The following MICU1 variants were observed in gnomAD, a reference collection of about 807,000 sequenced individuals.
The protein encoded by MICU1 is mitochondrial calcium uptake 1.
MICU1 carries 45 observed loss-of-function variants against 56.8 expected under a neutral mutation model. The ratio of observed to expected loss-of-function variants is 0.79; its 90% CI spans 0.62 to 1.02. The LOEUF (loss-of-function observed/expected upper bound fraction) is 1.02, where lower values mean the gene tolerates loss of function less well. Ranked by LOEUF, MICU1 falls within the 50% of genes least tolerant of loss-of-function variation. The pLI is 0.00. For missense variants in MICU1, 504 were observed against 587.1 expected (o/e 0.86, Z 1.46); for synonymous variants, 186 against 195.1 (o/e 0.95, Z 0.39).
chr10:72,603,789 A>G (rs576980294), intron 1 of MICU1, among the ~76,000 whole-genome samples: 4 of 152,276 alleles, frequency 2.6e-5, no homozygotes, highest in Non-Finnish European at 5.9e-5. Context: ...GGGCAACAAG[A>G]ATGAAACTCT....
chr10:72,595,162 T>G (rs571404547), intron 1 of MICU1, among the ~76,000 whole-genome samples: 41 of 151,564 alleles, frequency 2.7e-4, no homozygotes, highest in Admixed American at 2.6e-3. Context: ...CATAAGACCA[T>G]ATATCAGGCT....
intron 8 of MICU1, among the ~76,000 whole-genome samples, chr10:72,427,741 T>A (rs1335122582): frequency 3.3e-4 from 8 of 24,372 alleles, no homozygotes; most frequent in African/African-American, 1.5e-3. Context: ...AAAATATATA[T>A]ATATATATAT....
chr10:72,602,892 G>T (rs933227302), intron 1 of MICU1, among the ~76,000 whole-genome samples: 1 of 152,200 alleles, frequency 6.6e-6, no homozygotes, highest in African/African-American at 2.4e-5. Flanking sequence ...CGGATCACGA[G>T]GTCAGGAGAT....
chr10:72,480,977 C>T (rs1866276032), intron 6 of MICU1, among the ~76,000 whole-genome samples: 1 of 152,222 alleles, frequency 6.6e-6, no homozygotes, highest in Non-Finnish European at 1.5e-5. Context: ...AAAGTACTGG[C>T]TTTATGTGGA....
chr10:72,545,168 A>G (rs928316987), intron 4 of MICU1, among the ~76,000 whole-genome samples: 1 of 152,178 alleles, frequency 6.6e-6, no homozygotes, highest in African/African-American at 2.4e-5. Flanking sequence ...CTGCATCAAC[A>G]TTTCTGGAAA....
intron 10 of MICU1, among the ~76,000 whole-genome samples, chr10:72,396,834 G>C (rs895796233): frequency 2.0e-5 from 3 of 152,194 alleles, no homozygotes; most frequent in Non-Finnish European, 2.9e-5. Context: ...GTGATGGGGA[G>C]AATGGAACAA....
intron 5 of MICU1, among the ~76,000 whole-genome samples, chr10:72,526,108 A>G (rs563217947): frequency 1.3e-5 from 2 of 152,350 alleles, no homozygotes; most frequent in East Asian, 3.9e-4. Flanking sequence ...GGTATATAAA[A>G]AAGAACTAAA....
intron 1 of MICU1, among the ~76,000 whole-genome samples, chr10:72,608,186 A>T (rs1841744096): frequency 6.6e-6 from 1 of 152,092 alleles, no homozygotes; most frequent in Admixed American, 6.6e-5. Flanking sequence ...CTCCTGCTTC[A>T]GCCTCCTGAG....
chr10:72,403,349 C>CT (rs1244229327), intron 10 of MICU1, among the ~76,000 whole-genome samples: 1 of 151,772 alleles, frequency 6.6e-6, no homozygotes, highest in East Asian at 1.9e-4. Context: ...GAGAGAAACT[C>CT]TGTCTCAAAA....
intron 9 of MICU1, among the ~76,000 whole-genome samples, chr10:72,416,002 T>C (rs1863971163): frequency 6.6e-6 from 1 of 152,140 alleles, no homozygotes; most frequent in Non-Finnish European, 1.5e-5. Flanking sequence ...ATATGTAAAA[T>C]GTCTAGTACA....
chr10:72,384,117 G>A (rs768923622), intron 10 of MICU1, among the ~76,000 whole-genome samples: 2 of 152,032 alleles, frequency 1.3e-5, no homozygotes, highest in Non-Finnish European at 2.9e-5. Context: ...CCTCAGCCTC[G>A]GAAGTAGCTA....
At chr10:72,435,421 G>T (rs1246140477) in intron 8 of MICU1, among the ~76,000 whole-genome samples, 3 of 150,292 alleles carry the variant, frequency 2.0e-5, no homozygotes, top group African/African-American at 4.9e-5. Flanking sequence ...AGTGGGGGGC[G>T]TTCCAAGATG....
chr10:72,384,074 G>T (rs527717345), intron 10 of MICU1, among the ~76,000 whole-genome samples: 1 of 152,004 alleles, frequency 6.6e-6, no homozygotes, highest in Admixed American at 6.6e-5. Context: ...GCTCACCACA[G>T]CCTCAACATC....
intron 6 of MICU1, among the ~76,000 whole-genome samples, chr10:72,484,124 CA>C (rs913308536): frequency 4.6e-5 from 7 of 152,136 alleles, no homozygotes; most frequent in Non-Finnish European, 1.0e-4. Flanking sequence ...AACTGTACTA[CA>C]GGGGGACCAG....
chr10:72,525,021 A>C (rs1867924059), intron 5 of MICU1, among the ~76,000 whole-genome samples: 1 of 152,176 alleles, frequency 6.6e-6, no homozygotes, highest in Non-Finnish European at 1.5e-5. Context: ...CACTCATATT[A>C]ATATAGGCAA....
chr10:72,590,879 A>G (rs909523790), intron 1 of MICU1, among the ~76,000 whole-genome samples: 1 of 151,422 alleles, frequency 6.6e-6, no homozygotes, highest in Non-Finnish European at 1.5e-5. Flanking sequence ...CAAACAACAC[A>G]AGTAAACCAA....
intron 5 of MICU1, among the ~76,000 whole-genome samples, chr10:72,513,602 T>C (rs1476248685): frequency 1.3e-5 from 2 of 152,212 alleles, no homozygotes; most frequent in South Asian, 2.1e-4. Context: ...TTTGATGTTA[T>C]ATTTAATATT....
At chr10:72,523,666 A>G in intron 5 of MICU1, 1 of 531,262 alleles carries the variant, frequency 1.9e-6, no homozygotes, top group Non-Finnish European at 2.9e-6. Flanking sequence ...TTTAATTACT[A>G]CAACTCAGTT....
chr10:72,464,443 T>G (rs940339967), intron 8 of MICU1, among the ~76,000 whole-genome samples: 1 of 152,112 alleles, frequency 6.6e-6, no homozygotes, highest in African/African-American at 2.4e-5. Context: ...CCTCACCAGA[T>G]TTTTGCAAGG....
Sources: allele counts gnomAD v4.1 joint callset (sites outside exome capture counted in the v4.1 genomes callset), GRCh38; gene constraint gnomAD v4.1.1; transcripts MANE v1.5; gene names NCBI Gene and HGNC (gene_info 2026-07-23, HGNC 2026-07-21).